The following LILRB3 variants were observed in gnomAD, a reference collection of about 807,000 sequenced individuals.
LILRB3 encodes the protein leukocyte immunoglobulin like receptor B3.
A neutral mutation model predicts 68.2 loss-of-function variants in LILRB3; 32 were observed. The ratio of observed to expected loss-of-function variants is 0.47; its 90% confidence interval spans 0.35 to 0.63. The LOEUF (loss-of-function observed/expected upper bound fraction) is 0.63. LILRB3 is among the 30% of genes least tolerant of loss of function. LILRB3 has a pLI of 0.00. For synonymous variants in LILRB3, 185 were observed against 323.1 expected, an observed-to-expected ratio of 0.57 and a Z score of 4.58; for missense variants, 502 against 791.3, an observed-to-expected ratio of 0.63 and a Z score of 4.39.
chr19:54,217,298 C>T (rs751644064), intron 12 of LILRB3, 21 bp downstream of exon 12: 4 of 1,590,088 alleles, frequency 2.5e-6, no homozygotes, highest in South Asian at 1.1e-5. Flanking sequence ...GGCCTGGGGG[C>T]CTGGAGAGGA....
chr19:54,218,275 G>C (rs2077690363), intron 11 of LILRB3, 86 bp downstream of exon 11: 2 of 1,557,102 alleles, frequency 1.3e-6, no homozygotes, highest in East Asian at 4.5e-5. Context: ...GATGCTGAGA[G>C]CCGGGGGAAG....
At position 54,222,758 on chromosome 19, in the gene LILRB3, C is replaced by T. The variant is rs201587814; in HGVS notation, c.59G>A (p.Arg20His). The T allele has an allele frequency of 1.1e-4, 181 of 1,612,054 alleles. 2 individuals are homozygous for T. The highest frequency in any genetic ancestry group is 6.2e-4 in the East Asian group (28 of 44,852). The change falls in exon 2 of 13, where the codon CGC becomes CAC. Residue 20 changes from arginine to histidine, a missense_variant. Around this residue, in one of 8 missense-constraint regions of LILRB3, gnomAD observed 97 missense variants for 180.4 expected, o/e 0.54. Transcript: ENST00000445347. ...GGGGACAGACTCACCTGCCTGCATGCGGGTCCTGGGGCCCAGACTCAGCCC... is the reference window on the plus strand; with the variant it reads ...GGGGACAGACTCACCTGCCTGCATGTGGGTCCTGGGGCCCAGACTCAGCCC...
chr19:54,222,603 G>C, intron 2 of LILRB3, 41 bp from the exon 3 acceptor site: 1 of 1,610,798 alleles, frequency 6.2e-7, no homozygotes, highest in South Asian at 1.1e-5. Flanking sequence ...ACATCCCCAC[G>C]CTCAGATCCC....
intron 7 of LILRB3, 108 bp downstream of exon 7, chr19:54,220,047 A>G (rs2077970018): frequency 8.0e-7 from 1 of 1,248,908 alleles, no homozygotes; most frequent in Admixed American, 2.5e-5. Context: ...CCAGCCTCAG[A>G]GCCCCTGGGA....
chr19:54,218,765 C>G, exon 9 of LILRB3: 1 of 1,614,076 alleles, frequency 6.2e-7, no homozygotes, highest in Non-Finnish European at 8.5e-7. Flanking sequence ...AGAATTACCT[C>G]CTCAGCAGGC....
chr19:54,217,017 C>T (rs1316675562), exon 13 of LILRB3: 1 of 1,610,998 alleles, frequency 6.2e-7, no homozygotes, highest in African/African-American at 1.3e-5. Context: ...CACTGGTGTC[C>T]ACTGGGGGCA....
rs1251892665 is a variant in LILRB3 at position 54,218,642 on chromosome 19, T to G, written c.1540+3A>C. On this transcript the variant is annotated splice_donor_region_variant and intron_variant, in intron 10 of 12. Coordinates refer to ENST00000445347, the Ensembl canonical transcript of LILRB3. ...CCCCATTTGTCCCCTCTCTTCCTCT[T>G]ACAGAGGTTTTCTTCCTGGACGTCA... The G allele has an allele frequency of 6.2e-7, 1 of 1,614,132 alleles. No individual in the cohort carries two copies. The highest frequency in any genetic ancestry group is 8.5e-7 in the Non-Finnish European group (1 of 1,180,022).
rs548015276 is a variant in LILRB3 at position 54,219,813 on chromosome 19, C to T, written c.1309+342G>A. On this transcript the variant is annotated intron_variant, in intron 7 of 12. Coordinates refer to ENST00000445347, the Ensembl canonical transcript of LILRB3. ...AGAGGAGCCTGAACCTAGGACAGAA[C>T]CCACCCCTGCCTCCCCTGGACCCCG... 195 of 1,524,488 alleles carry T rather than the reference C, an allele frequency of 1.3e-4. 1 individual carries two copies. The East Asian group carries it at 4.0e-3, about 32-fold the overall frequency. The allele number at this position is 1,524,488 out of a possible 1,614,324, so 94.4% of individuals were successfully genotyped here.
rs114510580 is a variant in LILRB3 at position 54,217,098 on chromosome 19, G to A, written c.1891C>T (p.His631Tyr). The A allele has an allele frequency of 5.5e-3, 8,838 of 1,614,084 alleles. 427 individuals are homozygous for A. The African/African-American group carries it at 0.1, about 19-fold the overall frequency. Residue 631 changes from histidine (H) to tyrosine (Y), a missense_variant, in exon 13 of 13, where the codon CAC becomes TAC. By Grantham distance (83) the His-to-Tyr change is moderately conservative (BLOSUM62 2). Coordinates refer to ENST00000445347, the Ensembl canonical transcript of LILRB3. ...GGGTCTGCGTACCCCCCGGGCTAGT[G>A]GATGGCCAGAGTGGCGTAGATGCTG...
chr19:54,222,684 C>G, intron 2 of LILRB3, 63 bp downstream of exon 2: 1 of 1,612,468 alleles, frequency 6.2e-7, no homozygotes, highest in Non-Finnish European at 8.5e-7. Flanking sequence ...CCCCCAGCTG[C>G]CCATGGGTGG....
At chr19:54,218,280 G>A (rs2077691019) in intron 11 of LILRB3, 81 bp downstream of exon 11, 19 of 1,570,606 alleles carry the variant, frequency 1.2e-5, no homozygotes, top group Non-Finnish European at 1.6e-5. Context: ...TGAGAGCCGG[G>A]GGAAGGAGGA....
At chr19:54,220,067 G>A (rs1327282229) in intron 7 of LILRB3, 88 bp downstream of exon 7, 16 of 1,434,472 alleles carry the variant, frequency 1.1e-5, no homozygotes, top group Middle Eastern at 1.9e-4. Context: ...ACACAAGCCC[G>A]TCCTTGAGGG....
chr19:54,219,788 A>G (rs2077902064), intron 7 of LILRB3: 2 of 1,508,950 alleles, frequency 1.3e-6, no homozygotes, highest in Non-Finnish European at 9.0e-7. Context: ...CACCACCTCC[A>G]GAGGAGCCTG....
Position 54,217,551 on chromosome 19 carries a change from C to T in LILRB3, c.1594-77G>A, listed in dbSNP as rs901102064. On this transcript the variant is annotated intron_variant, in intron 11 of 12. Transcript: ENST00000445347. ...TGGAGTCAATTTTCCTCACTGTTCC[C>T]GGGGTGATCCGATTACATCCCTTTC... 88 of 1,504,268 alleles carry T rather than the reference C, an allele frequency of 5.9e-5. 1 individual carries two copies. The highest frequency in any genetic ancestry group is 2.7e-4 in the East Asian group (12 of 43,886). The allele number at this position is 1,504,268 out of a possible 1,614,324, so 93.2% of individuals were successfully genotyped here.
At chr19:54,219,413 C>T in intron 7 of LILRB3, 168 bp from the exon 8 acceptor site, 1 of 1,480,206 alleles carries the variant, frequency 6.8e-7, no homozygotes, top group Non-Finnish European at 9.2e-7. Flanking sequence ...AACTGAGGCT[C>T]AGAGCAGGGA....
intron 6 of LILRB3, among the ~76,000 whole-genome samples, 158 bp from the exon 7 acceptor site, chr19:54,220,363 C>T (rs796363001): frequency 5.6e-3 from 680 of 121,038 alleles, no homozygotes; most frequent in African/African-American, 0.019. Context: ...CGGGTGGCCA[C>T]GCCTAGGAGA....
chr19:54,218,690 A>G lies in LILRB3; in HGVS notation c.1503-8T>C, dbSNP rs771554888. ...TCAGCAGCTGGGCTGGACCTGGAGG[A>G]GGACATGGGAGTGTGAGGGGCAGTG... On this transcript the variant is annotated splice_polypyrimidine_tract_variant and splice_region_variant and intron_variant, in intron 9 of 12. Coordinates refer to ENST00000445347, the Ensembl canonical transcript of LILRB3. 1.9e-6 allele frequency: 3 copies of G among 1,614,076 alleles called. No homozygotes were observed. Among genetic ancestry groups the G allele is most frequent in the Non-Finnish European group, 1.7e-6 (2 of 1,180,008 alleles).
rs745878582 is a variant in LILRB3, at chr19:54,220,655, G to C, written c.1131C>G (p.Tyr377Ter). Residue 377 changes from tyrosine to a stop codon, truncating the protein, a stop_gained, in exon 6 of 13, where the codon TAC (tyrosine) becomes TAG (stop). Coordinates refer to ENST00000445347, the Ensembl canonical transcript of LILRB3. LOFTEE classifies it high-confidence loss of function. ...CAGGACTCATGGGGAATTCAGCCTGGTACTTATGAGCTCCGTACATTGATC... is the reference window on the plus strand; with the variant it reads ...CAGGACTCATGGGGAATTCAGCCTGCTACTTATGAGCTCCGTACATTGATC... 1 of 1,538,594 alleles carries C rather than the reference G, an allele frequency of 6.5e-7. No homozygotes were observed. The highest frequency in any genetic ancestry group is 1.9e-5 in the Admixed American group (1 of 53,788).
In LILRB3 at chr19:54,220,685, A is replaced by G. The variant is rs2078069203; in HGVS notation, c.1101T>C (p.Arg367=). The G allele has an allele frequency of 1.5e-5, 23 of 1,541,100 alleles. No individual in the cohort carries two copies. The South Asian group carries it at 2.4e-4, about 16-fold the overall frequency. ...TATGAGCTCCGTACATTGATCTCAGACGCAGTGGGGGATGGGCTGCCCCTT... is the reference window on the plus strand; with the variant it reads ...TATGAGCTCCGTACATTGATCTCAGGCGCAGTGGGGGATGGGCTGCCCCTT... Residue 367 remains arginine (R), a synonymous_variant, in exon 6 of 13, where the codon CGT becomes CGC. Coordinates refer to ENST00000445347, the Ensembl canonical transcript of LILRB3.
Sources: allele counts gnomAD v4.1 joint callset (sites outside exome capture counted in the v4.1 genomes callset), GRCh38; gene constraint gnomAD v4.1.1; regional missense constraint gnomAD v4.1.1; transcripts MANE v1.5; gene names NCBI Gene and HGNC (gene_info 2026-07-23, HGNC 2026-07-21).